Variants in GLI2 observed in about 807,000 individuals in gnomAD.
GLI2 encodes the protein GLI family zinc finger 2.
A neutral mutation model predicts 78.9 loss-of-function variants in GLI2; 22 were observed. The ratio of observed to expected loss-of-function variants is 0.28; its 90% CI spans 0.20 to 0.40. The LOEUF (loss-of-function observed/expected upper bound fraction) is 0.40. GLI2 is among the 10% of genes least tolerant of loss of function. The pLI is 1.00. For missense variants in GLI2, 2,097 were observed against 2,213.2 expected, an observed-to-expected ratio of 0.95 and a Z score of 1.05; for synonymous variants, 974 against 963.7, an observed-to-expected ratio of 1.01 and a Z score of -0.20.
chr2:120,945,602 T>G (rs1487656542), intron 3 of GLI2, among the ~76,000 whole-genome samples: 2 of 152,138 alleles, frequency 1.3e-5, no homozygotes, highest in Non-Finnish European at 2.9e-5. Flanking sequence ...GATACTAGCT[T>G]TAGACAGAGG....
chr2:120,796,061 A>G (rs1279833792), intron 1 of GLI2, among the ~76,000 whole-genome samples: 1 of 152,080 alleles, frequency 6.6e-6, no homozygotes, highest in Non-Finnish European at 1.5e-5. Flanking sequence ...AAACAAACAA[A>G]CAAACAAACA....
At chr2:120,886,214 G>A (rs1025512628) in intron 2 of GLI2, among the ~76,000 whole-genome samples, 39 of 60,576 alleles carry the variant, frequency 6.4e-4, no homozygotes, top group African/African-American at 1.8e-3. Context: ...GTGTGTGCGT[G>A]TATATTTTGG....
At chr2:120,843,133 C>T (rs761952979) in intron 2 of GLI2, among the ~76,000 whole-genome samples, 1 of 152,218 alleles carries the variant, frequency 6.6e-6, no homozygotes, top group East Asian at 1.9e-4. Flanking sequence ...ATAAAGGCCT[C>T]ATTTTCCTTT....
intron 1 of GLI2, among the ~76,000 whole-genome samples, chr2:120,739,201 C>T (rs1473777033): frequency 3.3e-5 from 5 of 152,162 alleles, no homozygotes; most frequent in Non-Finnish European, 7.3e-5. Flanking sequence ...GCTGGATTAG[C>T]AAACCAGGGA....
intron 2 of GLI2, among the ~76,000 whole-genome samples, chr2:120,832,852 G>A (rs916138161): frequency 6.6e-6 from 1 of 152,158 alleles, no homozygotes; most frequent in African/African-American, 2.4e-5. Flanking sequence ...GTCCTCCACA[G>A]GGCAGCAGCA....
At position 120,896,661 on chromosome 2, in the gene GLI2, ATACACCCAC is replaced by A. The variant is rs1411727599; in HGVS notation, c.149-30699_149-30691del. Among the ~76,000 whole-genome samples, 16 of 21,294 alleles carry A rather than the reference ATACACCCAC, an allele frequency of 7.5e-4. 1 individual carries two copies. The highest frequency in any genetic ancestry group is 3.6e-3 in the African/African-American group (16 of 4,418). The allele number at this position is 21,294 out of a possible 152,430, so 14.0% of individuals were successfully genotyped here. On this transcript the variant is annotated intron_variant, in intron 2 of 13. Transcript: ENST00000361492. ...CATACACACACACACACACACACAC[ATACACCCAC>A]CCCCCCACACACTCACACACACCCA...
chr2:120,927,044 T>C (rs1573615031), intron 2 of GLI2, among the ~76,000 whole-genome samples: 1 of 152,366 alleles, frequency 6.6e-6, no homozygotes, highest in African/African-American at 2.4e-5. Flanking sequence ...CCTGTCGCTC[T>C]GTCAGCCCTG....
At position 120,955,433 on chromosome 2, in the gene GLI2, G is replaced by T; in HGVS notation, c.643+3G>T. The T allele has an allele frequency of 6.3e-7, 1 of 1,591,538 alleles. No homozygotes were observed. Among genetic ancestry groups the T allele is most frequent in the Non-Finnish European group, 8.6e-7 (1 of 1,164,766 alleles). ...CGACTACCTCAACCCCGTGGACGGTGAGTGCTGGCCCCCAGGGGCTGAGGA... is the reference window on the plus strand; with the variant it reads ...CGACTACCTCAACCCCGTGGACGGTTAGTGCTGGCCCCCAGGGGCTGAGGA... On this transcript the variant is annotated splice_donor_region_variant and intron_variant, in intron 5 of 13. Coordinates refer to ENST00000361492, the MANE Select transcript of GLI2 (RefSeq NM_001374353.1).
At chr2:120,849,699 C>T (rs2104604295) in intron 2 of GLI2, among the ~76,000 whole-genome samples, 1 of 152,298 alleles carries the variant, frequency 6.6e-6, no homozygotes, top group African/African-American at 2.4e-5. Flanking sequence ...AGTGGACACC[C>T]AGGGTTTAAG....
At chr2:120,890,436 C>T (rs1199299092) in intron 2 of GLI2, among the ~76,000 whole-genome samples, 1 of 118,602 alleles carries the variant, frequency 8.4e-6, no homozygotes, top group Non-Finnish European at 1.7e-5. Flanking sequence ...AATGCACACA[C>T]ATTCACATAT....
intron 2 of GLI2, among the ~76,000 whole-genome samples, chr2:120,814,339 C>T (rs1342577015): frequency 6.6e-6 from 1 of 152,128 alleles, no homozygotes; most frequent in Non-Finnish European, 1.5e-5. Flanking sequence ...GCTTAGGAAG[C>T]CTTTTCTGTG....
intron 2 of GLI2, among the ~76,000 whole-genome samples, chr2:120,810,795 AGG>A (rs1685200495): frequency 6.6e-6 from 1 of 152,216 alleles, no homozygotes; most frequent in South Asian, 2.1e-4. Context: ...ATTTGCTTTT[AGG>A]ACTAGCTAAG....
chr2:120,981,082 T>G (rs1682698919), intron 10 of GLI2, among the ~76,000 whole-genome samples: 1 of 152,148 alleles, frequency 6.6e-6, no homozygotes, highest in Admixed American at 6.5e-5. Flanking sequence ...GGTTTCACCA[T>G]GATGGCCAGG....
intron 2 of GLI2, among the ~76,000 whole-genome samples, chr2:120,854,013 A>G (rs1226426868): frequency 6.7e-6 from 1 of 148,752 alleles, no homozygotes; most frequent in East Asian, 2.0e-4. Context: ...CCTTCATTCT[A>G]CCAGCATTTA....
chr2:120,859,210 A>G (rs1380063921), intron 2 of GLI2, among the ~76,000 whole-genome samples: 1 of 152,220 alleles, frequency 6.6e-6, no homozygotes, highest in Non-Finnish European at 1.5e-5. Flanking sequence ...TCGTTTTTAC[A>G]GGTGAGGCCA....
intron 2 of GLI2, among the ~76,000 whole-genome samples, chr2:120,870,479 G>A (rs903176229): frequency 6.6e-6 from 1 of 152,286 alleles, no homozygotes; most frequent in East Asian, 1.9e-4. Flanking sequence ...ACTGAGTCCC[G>A]AGAGAGGGCA....
intron 2 of GLI2, among the ~76,000 whole-genome samples, chr2:120,837,004 G>T (rs1185235112): frequency 1.3e-5 from 2 of 152,168 alleles, no homozygotes; most frequent in Non-Finnish European, 2.9e-5. Context: ...CGTTTGGGCT[G>T]CTTCTCCCTG....
chr2:120,917,737 G>T (rs1356924231), intron 2 of GLI2, among the ~76,000 whole-genome samples: 1 of 152,256 alleles, frequency 6.6e-6, no homozygotes, highest in African/African-American at 2.4e-5. Flanking sequence ...GGGAGTTATT[G>T]CTGCAGCCAT....
chr2:120,863,426 G>A (rs1019216885), intron 2 of GLI2, among the ~76,000 whole-genome samples: 14 of 152,234 alleles, frequency 9.2e-5, no homozygotes, highest in African/African-American at 2.4e-4. Context: ...ACCACGGGCC[G>A]TCTCTCCTGC....
Sources: allele counts gnomAD v4.1 joint callset (sites outside exome capture counted in the v4.1 genomes callset), GRCh38; gene constraint gnomAD v4.1.1; transcripts MANE v1.5; gene names NCBI Gene and HGNC (gene_info 2026-07-23, HGNC 2026-07-21).